Variants in KDM7A observed in about 807,000 individuals in gnomAD.
KDM7A encodes the protein lysine-specific demethylase 7A.
KDM7A carries 28 observed loss-of-function variants against 114.8 expected under a neutral mutation model. The observed-to-expected ratio is 0.24, with a 90% CI of 0.18 to 0.33. KDM7A has a LOEUF of 0.33. KDM7A is among the 10% of genes least tolerant of loss of function. The probability of loss-of-function intolerance (pLI) is 1.00; values close to 1 mark genes in which losing one functional copy is unlikely to be tolerated. For synonymous variants in KDM7A, 423 were observed against 397.8 expected, an observed-to-expected ratio of 1.06 and a Z score of -0.75; for missense variants, 942 against 1,142.5, an observed-to-expected ratio of 0.82 and a Z score of 2.53.
In KDM7A at chr7:140,129,506, C is replaced by T. The variant is rs2116806600; in HGVS notation, c.546G>A (p.Val182=). 6.2e-7 allele frequency: 1 copy of T among 1,613,492 alleles called. No individual in the cohort carries two copies. Among genetic ancestry groups the T allele is most frequent in the East Asian group, 2.2e-5 (1 of 44,836 alleles). ...LPSPTFSVMD[V]ERYVGGDKVI... is the part of the protein sequence containing the mutation. Reference sequence around the variant, plus strand: ...TAAAGTTCGTACCTACATAACGTTCCACATCCATCACAGAAAATGTAGGTG... The same window carrying T: ...TAAAGTTCGTACCTACATAACGTTCTACATCCATCACAGAAAATGTAGGTG... The change falls in exon 4 of 20, where the codon GTG becomes GTA. Residue 182 remains valine (V), a synonymous_variant. Transcript: ENST00000397560.
intron 1 of KDM7A, among the ~76,000 whole-genome samples, chr7:140,173,327 T>C (rs1345276851): frequency 6.6e-6 from 1 of 152,148 alleles, no homozygotes; most frequent in Non-Finnish European, 1.5e-5. Flanking sequence ...CTTAGGGAGA[T>C]GGACAGATGG....
In KDM7A at chr7:140,176,946, A is replaced by C. The variant is rs1374970746; in HGVS notation, c.-9T>G. On this transcript the variant is annotated 5_prime_UTR_variant, in exon 1 of 20. Transcript: ENST00000397560. The surrounding 1 kb of genome is among the most constrained non-coding windows in gnomAD (Gnocchi z 4.4). ...GCCGCCGCTCCGGCCATCTTTAAAAAACACACACACGCTCGCTCGCTACTC... is the reference window on the plus strand; with the variant it reads ...GCCGCCGCTCCGGCCATCTTTAAAACACACACACACGCTCGCTCGCTACTC... 2.6e-6 allele frequency: 3 copies of C among 1,144,940 alleles called. No individual in the cohort carries two copies. Among genetic ancestry groups the C allele is most frequent in the Non-Finnish European group, 3.2e-6 (3 of 929,290 alleles). 70.9% of individuals were successfully genotyped at this position (1,144,940 alleles called of 1,614,324 possible).
At chr7:140,104,732 C>T (rs888722705) in intron 11 of KDM7A, among the ~76,000 whole-genome samples, 1 of 152,160 alleles carries the variant, frequency 6.6e-6, no homozygotes, top group African/African-American at 2.4e-5. Context: ...AGCATGATGC[C>T]TCCAGCTTTG....
At chr7:140,115,281 C>T (rs1012234465) in intron 9 of KDM7A, among the ~76,000 whole-genome samples, 2 of 152,228 alleles carry the variant, frequency 1.3e-5, no homozygotes, top group Non-Finnish European at 1.5e-5. Flanking sequence ...GCCGCCACCC[C>T]GTCTGGGAGG....
chr7:140,174,158 C>T (rs560881362), intron 1 of KDM7A, among the ~76,000 whole-genome samples: 21 of 146,932 alleles, frequency 1.4e-4, no homozygotes, highest in African/African-American at 2.3e-4. Context: ...AGCGAGACTC[C>T]GTCTCCAAAA....
chr7:140,113,897 T>C (rs1585145845), intron 9 of KDM7A, among the ~76,000 whole-genome samples: 1 of 152,268 alleles, frequency 6.6e-6, no homozygotes, highest in South Asian at 2.1e-4. Context: ...CCTCCAGCCC[T>C]GGCCTTCCAA....
chr7:140,135,462 A>T (rs1818853988), intron 2 of KDM7A, among the ~76,000 whole-genome samples: 1 of 152,120 alleles, frequency 6.6e-6, no homozygotes, highest in South Asian at 2.1e-4. Context: ...TGGCCTCCCA[A>T]AGTGCTAGGA....
At chr7:140,115,760 CCT>C (rs1022181294) in intron 9 of KDM7A, among the ~76,000 whole-genome samples, 4 of 150,082 alleles carry the variant, frequency 2.7e-5, no homozygotes, top group African/African-American at 4.9e-5. Flanking sequence ...GCCAAATCCC[CCT>C]CTGTGAGAAA....
Position 140,156,476 on chromosome 7 carries a change from G to A in KDM7A, c.195-17286C>T, listed in dbSNP as rs75514588. On this transcript the variant is annotated intron_variant, in intron 1 of 19. Transcript: ENST00000397560. The stretch of plus-strand genomic sequence containing the variant: ...TTGGAGTCCCCCATAAGCAGAACCT[G>A]AGACAGGACTGCAGGCATTCAGATG... 8.5e-5 allele frequency among the ~76,000 whole-genome samples: 13 copies of A among 152,288 alleles called. No homozygotes were observed. In the East Asian group the frequency reaches 2.1e-3, roughly 25 times the overall value.
chr7:140,160,019 C>A (rs1345883309), intron 1 of KDM7A, among the ~76,000 whole-genome samples: 1 of 148,980 alleles, frequency 6.7e-6, no homozygotes, highest in African/African-American at 2.5e-5. Flanking sequence ...ACCCTTCTGA[C>A]AATCTTATAG....
chr7:140,165,979 G>A (rs775181470), intron 1 of KDM7A, among the ~76,000 whole-genome samples: 4 of 152,154 alleles, frequency 2.6e-5, no homozygotes, highest in African/African-American at 4.8e-5. Context: ...CAGCCACACT[G>A]TATACCTTTT....
chr7:140,101,296 C>T (rs964785781), intron 12 of KDM7A, among the ~76,000 whole-genome samples: 5 of 152,084 alleles, frequency 3.3e-5, no homozygotes, highest in African/African-American at 9.7e-5. Context: ...CAGCACTTCA[C>T]GAAGTTTAAG....
chr7:140,175,254 C>T (rs757996057), intron 1 of KDM7A, among the ~76,000 whole-genome samples: 2 of 152,192 alleles, frequency 1.3e-5, no homozygotes, highest in Non-Finnish European at 2.9e-5. Context: ...TTAACTACAC[C>T]TAGCACTAAA....
In KDM7A at chr7:140,142,762, C is replaced by A. The variant is rs541680757; in HGVS notation, c.195-3572G>T. ...GCAAATCCTCTTTTAGGTAAACACACCTTAAAGAAACTCAGGCACATGTGC... is the reference window on the plus strand; with the variant it reads ...GCAAATCCTCTTTTAGGTAAACACAACTTAAAGAAACTCAGGCACATGTGC... On this transcript the variant is annotated intron_variant, in intron 1 of 19. Transcript: ENST00000397560. 3.3e-5 allele frequency among the ~76,000 whole-genome samples: 5 copies of A among 152,198 alleles called. No homozygotes were observed. In the East Asian group the frequency reaches 5.8e-4, roughly 18 times the overall value.
At chr7:140,094,559 A>G (rs12375038) in intron 17 of KDM7A, 17,439 of 174,678 alleles carry the variant, frequency 0.1, 956 homozygotes, top group African/African-American at 0.14. Context: ...TTAAAAACAC[A>G]TTAACTCTTT....
chr7:140,139,036 A>AGTTCTTGAAGGGTGTAATATAACTCC, intron 2 of KDM7A, 69 bp downstream of exon 2: 1 of 944,776 alleles, frequency 1.1e-6, no homozygotes, highest in Non-Finnish European at 1.7e-6. Context: ...AAGTATTACC[A>AGTTCTTGAAGGGTGTAATATAACTCC]TGTACATGTA....
intron 1 of KDM7A, among the ~76,000 whole-genome samples, chr7:140,164,662 A>C (rs1379774803): frequency 6.6e-6 from 1 of 152,236 alleles, no homozygotes; most frequent in Non-Finnish European, 1.5e-5. Flanking sequence ...TGTTATTAAG[A>C]AACTGTTAAC....
chr7:140,175,679 T>G (rs562297759), intron 1 of KDM7A, among the ~76,000 whole-genome samples: 1 of 152,104 alleles, frequency 6.6e-6, no homozygotes, highest in African/African-American at 2.4e-5. Flanking sequence ...AACACACGAG[T>G]CGGCGGCCTG....
intron 1 of KDM7A, among the ~76,000 whole-genome samples, chr7:140,175,771 C>T (rs1247913918): frequency 6.6e-6 from 1 of 151,750 alleles, no homozygotes; most frequent in Admixed American, 6.6e-5. Flanking sequence ...CCGCCGCCGC[C>T]GCCAGCCGGC....
Sources: allele counts gnomAD v4.1 joint callset (sites outside exome capture counted in the v4.1 genomes callset), GRCh38; gene constraint gnomAD v4.1.1; non-coding constraint Gnocchi (gnomAD v3.1); transcripts MANE v1.5; gene names NCBI Gene and HGNC (gene_info 2026-07-23, HGNC 2026-07-21).